Variants in TSBP1 observed in about 807,000 individuals in gnomAD.
TSBP1 encodes testis-expressed basic protein 1.
A neutral mutation model predicts 68.8 loss-of-function variants in TSBP1; 56 were observed. That is an observed-to-expected ratio of 0.81 (90% CI 0.66 to 1.02). The LOEUF is 1.02. Ranked by LOEUF, TSBP1 falls within the 50% of genes least tolerant of loss-of-function variation. The pLI is 0.00. For synonymous variants in TSBP1, 171 were observed against 208.7 expected, an observed-to-expected ratio of 0.82 and a Z score of 1.56; for missense variants, 502 against 641.2, an observed-to-expected ratio of 0.78 and a Z score of 2.34.
In TSBP1 at chr6:32,306,690, T is replaced by C. The variant is rs1013345802; in HGVS notation, c.581-4061A>G. Among the ~76,000 whole-genome samples, 9 of 152,214 alleles carry C rather than the reference T, an allele frequency of 5.9e-5. No individual in the cohort carries two copies. Among genetic ancestry groups the C allele is most frequent in the Admixed American group, 5.9e-4 (9 of 15,290 alleles). On this transcript the variant is annotated intron_variant, in intron 19 of 22. Transcript: ENST00000612031. This position sits in a 1 kb window ranked among gnomAD's most constrained non-coding sequence, Gnocchi z 5.1. ...GTTGCAGTGCTAAATGGAACTATTATTCAATTTAAGAACATATAAAGCAAG... is the reference window on the plus strand; with the variant it reads ...GTTGCAGTGCTAAATGGAACTATTACTCAATTTAAGAACATATAAAGCAAG...
Position 32,361,893 on chromosome 6 carries a change from G to A in TSBP1, c.217+4274C>T, listed in dbSNP as rs1583172662. 2.6e-5 allele frequency among the ~76,000 whole-genome samples: 4 copies of A among 152,154 alleles called. No individual in the cohort carries two copies. The East Asian group carries it at 7.7e-4, about 29-fold the overall frequency. ...TCAATGTGACAGCATTGAGAAGTGA[G>A]GCCTTAAAGAGGTGATTATATCATG... On this transcript the variant is annotated intron_variant, in intron 6 of 22. Coordinates refer to ENST00000612031, the Ensembl canonical transcript of TSBP1. The surrounding 1 kb of genome is among the most constrained non-coding windows in gnomAD (Gnocchi z 4.3).
At chr6:32,324,634 T>G in intron 16 of TSBP1, 1 of 1,550,554 alleles carries the variant, frequency 6.4e-7, no homozygotes, top group Non-Finnish European at 8.7e-7. Flanking sequence ...AAGGAGAGAA[T>G]TCAATGAACA....
At chr6:32,331,726 G>A (rs906926895) in intron 15 of TSBP1, among the ~76,000 whole-genome samples, 8 of 150,530 alleles carry the variant, frequency 5.3e-5, no homozygotes, top group South Asian at 4.2e-4. Context: ...GACCCCTCCC[G>A]CCTATACCTA....
At chr6:32,345,834 A>G (rs1468572794) in intron 9 of TSBP1, among the ~76,000 whole-genome samples, 1 of 152,158 alleles carries the variant, frequency 6.6e-6, no homozygotes, top group African/African-American at 2.4e-5. Flanking sequence ...TGAATTGCCT[A>G]TGAGAATTAT....
intron 3 of TSBP1, 65 bp from the exon 4 acceptor site, chr6:32,368,022 T>A: frequency 7.8e-7 from 1 of 1,281,794 alleles, no homozygotes; most frequent in South Asian, 1.2e-5. Context: ...TATTTAAGAC[T>A]CTGAGAACTA....
In TSBP1 at chr6:32,335,534, G is replaced by T. The variant is rs1769550328; in HGVS notation, c.452-77C>A. On this transcript the variant is annotated intron_variant, in intron 13 of 22. Transcript: ENST00000612031. The surrounding 1 kb of genome is among the most constrained non-coding windows in gnomAD (Gnocchi z 5.5). ...ACTTTTTATTTATATACTTTAATTT[G>T]TATACTTTCCCTAGTAGGAATCTGC... is the stretch of plus-strand genomic sequence containing the variant. 2 of 1,046,778 alleles carry T rather than the reference G, an allele frequency of 1.9e-6. No homozygotes were observed. 64.8% of individuals were successfully genotyped at this position (1,046,778 alleles called of 1,614,324 possible). A position where few individuals can be genotyped will look rare whatever the true frequency, so the allele number is the denominator to read the frequency against.
chr6:32,335,395 A>G lies in TSBP1; in HGVS notation c.472+42T>C. 2 of 1,489,040 alleles carry G rather than the reference A, an allele frequency of 1.3e-6. No individual in the cohort carries two copies. The highest frequency in any genetic ancestry group is 1.8e-6 in the Non-Finnish European group (2 of 1,116,758). 92.2% of individuals were successfully genotyped at this position (1,489,040 alleles called of 1,614,324 possible). On this transcript the variant is annotated intron_variant, in intron 14 of 22. Coordinates refer to ENST00000612031, the Ensembl canonical transcript of TSBP1. This position sits in a 1 kb window ranked among gnomAD's most constrained non-coding sequence, Gnocchi z 5.5. ...ATAAAAATAGATTGATGTTCTAAGT[A>G]AAGTACTAAAAGGCATTATAATTGA...
Position 32,321,516 on chromosome 6 carries a change from G to T in TSBP1, c.559+1601C>A, listed in dbSNP as rs138248291. On this transcript the variant is annotated intron_variant, in intron 18 of 22. Transcript: ENST00000612031. The surrounding 1 kb of genome is among the most constrained non-coding windows in gnomAD (Gnocchi z 4.3). The stretch of plus-strand genomic sequence containing the variant: ...ATTATAGGGCCTATTCCCAAACATG[G>T]GCATATGGATTTTGCAGCCTCATCT... Among the ~76,000 whole-genome samples the T allele has an allele frequency of 2.6e-5, 4 of 152,226 alleles. No individual in the cohort carries two copies. The highest frequency in any genetic ancestry group is 9.6e-5 in the African/African-American group (4 of 41,514).
rs757978081 is a variant in TSBP1, at chr6:32,323,119, A to G, written c.557T>C (p.Ile186Thr). Residue 186 changes from isoleucine (I) to threonine (T), a missense_variant and splice_region_variant, in exon 18 of 23, where the codon ATA (isoleucine) becomes ACA (threonine). Coordinates refer to ENST00000612031, the Ensembl canonical transcript of TSBP1. ...AGAAAAAGAGATGTTATACTTACTT[A>G]TGGGTGCCATGGGTGGACCTAAAAA... 5.1e-6 allele frequency: 8 copies of G among 1,578,130 alleles called. No individual in the cohort carries two copies. In the East Asian group the frequency reaches 1.1e-4, roughly 22 times the overall value.
intron 19 of TSBP1, among the ~76,000 whole-genome samples, chr6:32,313,715 C>T (rs1766656296): frequency 6.6e-6 from 1 of 152,136 alleles, no homozygotes; most frequent in Non-Finnish European, 1.5e-5. Flanking sequence ...ATTGTCCTAA[C>T]TTCCTGGGTA....
intron 18 of TSBP1, among the ~76,000 whole-genome samples, chr6:32,319,227 A>G (rs1405188725): frequency 1.3e-5 from 2 of 152,220 alleles, no homozygotes; most frequent in Non-Finnish European, 2.9e-5. Context: ...TTCCCTTAAA[A>G]TCACATTCAG....
chr6:32,352,350 C>T (rs1424949151), intron 8 of TSBP1, among the ~76,000 whole-genome samples: 5 of 151,566 alleles, frequency 3.3e-5, no homozygotes, highest in Non-Finnish European at 7.4e-5. Context: ...AAGAAGATAC[C>T]GATTATCTTT....
intron 20 of TSBP1, among the ~76,000 whole-genome samples, chr6:32,301,271 C>T (rs1765259751): frequency 6.6e-6 from 1 of 152,108 alleles, no homozygotes; most frequent in African/African-American, 2.4e-5. Context: ...TCCAGCGATC[C>T]ACCTGCTTTG....
At chr6:32,368,135 C>T (rs1039276711) in intron 3 of TSBP1, among the ~76,000 whole-genome samples, 178 bp from the exon 4 acceptor site, 1 of 152,212 alleles carries the variant, frequency 6.6e-6, no homozygotes, top group Non-Finnish European at 1.5e-5. Context: ...TGATAAGTGA[C>T]TGTGTCAATC....
intron 16 of TSBP1, chr6:32,324,347 TCCC>T: frequency 8.3e-6 from 4 of 480,770 alleles, no homozygotes; most frequent in African/African-American, 2.0e-5. Context: ...TACCATTTTT[TCCC>T]TTTTTAAGGT....
exon 1 of TSBP1, chr6:32,371,862 A>C: frequency 1.3e-6 from 1 of 768,486 alleles, no homozygotes; most frequent in Admixed American, 2.0e-5. Context: ...AGGATCACTG[A>C]GAAATTGTGT....
chr6:32,323,242 C>A (rs1767839979), intron 17 of TSBP1, 105 bp from the exon 19 acceptor site: 1 of 743,512 alleles, frequency 1.3e-6, no homozygotes, highest in South Asian at 1.6e-5. Context: ...CTTTCTGGGT[C>A]TAAATTATGA....
chr6:32,368,211 C>T (rs1273101493), intron 3 of TSBP1, among the ~76,000 whole-genome samples: 1 of 152,192 alleles, frequency 6.6e-6, no homozygotes, highest in African/African-American at 2.4e-5. Context: ...TCTTTTACCT[C>T]TTGATACTTC....
chr6:32,294,213 A>G (rs1417661412), intron 22 of TSBP1, 178 bp from the exon 26 acceptor site: 7 of 716,740 alleles, frequency 9.8e-6, no homozygotes, highest in Non-Finnish European at 1.6e-5. Flanking sequence ...AGTATCGATA[A>G]AATTCTGGAC....
Sources: allele counts gnomAD v4.1 joint callset (sites outside exome capture counted in the v4.1 genomes callset), GRCh38; gene constraint gnomAD v4.1.1; non-coding constraint Gnocchi (gnomAD v3.1); transcripts MANE v1.5; gene names NCBI Gene and HGNC (gene_info 2026-07-23, HGNC 2026-07-21).